NBEA: variants seen among roughly 807,000 people sequenced by gnomAD.
NBEA encodes the protein neurobeachin.
A neutral mutation model predicts 343.4 loss-of-function variants in NBEA; 44 were observed. That is an observed-to-expected ratio of 0.13 (90% CI 0.10 to 0.16). NBEA has a LOEUF of 0.16. NBEA is among the 10% of genes least tolerant of loss of function. The pLI is 1.00. For missense variants in NBEA, 2,555 were observed against 3,631.3 expected, an observed-to-expected ratio of 0.70 and a Z score of 7.62; for synonymous variants, 1,175 against 1,238.7, an observed-to-expected ratio of 0.95 and a Z score of 1.08.
Position 35,654,935 on chromosome 13 carries a change from G to C in NBEA, c.8116G>C (p.Val2706Leu), listed in dbSNP as rs1488866314. The C allele has an allele frequency of 1.3e-6, 2 of 1,588,980 alleles. No individual in the cohort carries two copies. The highest frequency in any genetic ancestry group is 2.7e-5 in the African/African-American group (2 of 73,280). The change falls in exon 54 of 59, where the codon GTA becomes CTA. Residue 2706 changes from valine to leucine, a missense_variant. Coordinates refer to ENST00000379939, the MANE Select transcript of NBEA (RefSeq NM_001385012.1). ...SIQINAHCFV[V>L]TADNRYILIC... ...ACAAATCAATGCACATTGTTTTGTG[G>C]TAACAGCAGATAATCGCTATATTCT...
At chr13:35,100,325 G>A (rs2065579564) in intron 11 of NBEA, among the ~76,000 whole-genome samples, 1 of 151,970 alleles carries the variant, frequency 6.6e-6, no homozygotes, top group Admixed American at 6.6e-5. Context: ...AGATTGTTAA[G>A]TAGATTGATC....
chr13:35,475,460 T>C (rs1463841456), intron 41 of NBEA: 1 of 1,612,160 alleles, frequency 6.2e-7, no homozygotes, highest in Non-Finnish European at 8.5e-7. Flanking sequence ...CAGGCGTCGC[T>C]CTCCGCCGAG....
intron 1 of NBEA, among the ~76,000 whole-genome samples, chr13:35,038,866 C>A (rs2062546144): frequency 6.6e-6 from 1 of 152,100 alleles, no homozygotes; most frequent in Non-Finnish European, 1.5e-5. Flanking sequence ...TTAGCTGCCC[C>A]AGCTGGTATC....
intron 13 of NBEA, among the ~76,000 whole-genome samples, chr13:35,114,268 TC>T (rs1157478916): frequency 6.6e-6 from 1 of 152,188 alleles, no homozygotes; most frequent in Non-Finnish European, 1.5e-5. Context: ...TACCTTCAAT[TC>T]CAGTCCAAAG....
chr13:35,075,930 T>A (rs2064094150), intron 10 of NBEA, among the ~76,000 whole-genome samples: 1 of 151,956 alleles, frequency 6.6e-6, no homozygotes, highest in African/African-American at 2.4e-5. Context: ...TGATTTTTAA[T>A]TCAGAAAAAA....
intron 17 of NBEA, among the ~76,000 whole-genome samples, chr13:35,137,407 G>C (rs1317377065): frequency 6.6e-6 from 1 of 150,684 alleles, no homozygotes; most frequent in Non-Finnish European, 1.5e-5. Flanking sequence ...CCAAGATCAC[G>C]CCACTGCACT....
At chr13:35,653,953 A>G (rs767705905) in intron 53 of NBEA, among the ~76,000 whole-genome samples, 8 of 152,136 alleles carry the variant, frequency 5.3e-5, no homozygotes, top group Non-Finnish European at 8.8e-5. Context: ...TGTGTATAAT[A>G]TTTTTATTGC....
chr13:35,412,277 A>G (rs1594535229), intron 38 of NBEA, among the ~76,000 whole-genome samples: 2 of 152,114 alleles, frequency 1.3e-5, no homozygotes, highest in East Asian at 3.9e-4. Flanking sequence ...CCAACAGGAC[A>G]CAAGACATGT....
intron 45 of NBEA, among the ~76,000 whole-genome samples, chr13:35,576,859 G>A (rs2080767671): frequency 6.6e-6 from 1 of 152,094 alleles, no homozygotes; most frequent in Admixed American, 6.6e-5. Context: ...TGACAATCTA[G>A]TTAATAAAAA....
At chr13:35,502,499 G>C (rs1301840363) in intron 41 of NBEA, among the ~76,000 whole-genome samples, 1 of 145,914 alleles carries the variant, frequency 6.9e-6, no homozygotes, top group Non-Finnish European at 1.5e-5. Context: ...TTTTCCCTGG[G>C]TTTTTTTTTT....
In NBEA at chr13:35,630,877, G is replaced by A. The variant is rs539637546; in HGVS notation, c.7617+2629G>A. Among the ~76,000 whole-genome samples, 5 of 152,234 alleles carry A rather than the reference G, an allele frequency of 3.3e-5. No individual in the cohort carries two copies. In the East Asian group the frequency reaches 9.7e-4, roughly 29 times the overall value. On this transcript the variant is annotated intron_variant, in intron 49 of 58. Coordinates refer to ENST00000379939, the MANE Select transcript of NBEA (RefSeq NM_001385012.1). ...CTTGTGACCACTAGGGGGCCATTTA[G>A]TACAGTGTAGACATAACAGATTAAA...
At chr13:35,406,611 G>T (rs767895222) in intron 38 of NBEA, among the ~76,000 whole-genome samples, 1 of 152,004 alleles carries the variant, frequency 6.6e-6, no homozygotes, top group African/African-American at 2.4e-5. Flanking sequence ...AATTCCATCC[G>T]GGTTTCAGTC....
chr13:35,146,425 GCTC>G (rs2068428167), intron 18 of NBEA, among the ~76,000 whole-genome samples: 1 of 152,130 alleles, frequency 6.6e-6, no homozygotes, highest in Non-Finnish European at 1.5e-5. Flanking sequence ...GTTACCCAAA[GCTC>G]CTTAGTTGTG....
intron 41 of NBEA, among the ~76,000 whole-genome samples, chr13:35,519,450 C>A (rs1414468892): frequency 6.6e-6 from 1 of 152,124 alleles, no homozygotes; most frequent in Non-Finnish European, 1.5e-5. Context: ...GTGACATACC[C>A]AAATGTTCAT....
intron 34 of NBEA, among the ~76,000 whole-genome samples, chr13:35,271,913 C>G (rs992066878): frequency 5.9e-5 from 9 of 152,158 alleles, no homozygotes; most frequent in African/African-American, 2.2e-4. Flanking sequence ...AAGAATGGAA[C>G]CAAGTTAGAA....
chr13:34,984,502 G>GGTCAGGCTGCAAATTTT (rs1309388094), intron 1 of NBEA, among the ~76,000 whole-genome samples: 31 of 138,836 alleles, frequency 2.2e-4, no homozygotes, highest in South Asian at 4.5e-4. Flanking sequence ...TGTTCTTTTT[G>GGTCAGGCTGCAAATTTT]CTTAGCATTG....
intron 1 of NBEA, among the ~76,000 whole-genome samples, chr13:35,004,407 A>G (rs527383159): frequency 3.9e-5 from 6 of 152,162 alleles, no homozygotes; most frequent in African/African-American, 1.4e-4. Context: ...ATGGTCTTCA[A>G]GTCTTTTGTA....
chr13:35,423,540 T>G (rs1380281642), intron 38 of NBEA, among the ~76,000 whole-genome samples: 2 of 152,188 alleles, frequency 1.3e-5, no homozygotes, highest in East Asian at 1.9e-4. Flanking sequence ...CCATGCTGTT[T>G]TGTTTACTGT....
intron 1 of NBEA, among the ~76,000 whole-genome samples, chr13:35,030,511 T>G (rs781208488): frequency 2.1e-4 from 32 of 151,640 alleles, no homozygotes; most frequent in Non-Finnish European, 2.2e-4. Context: ...TAACCTCACT[T>G]ATCTTCAGTT....
Sources: allele counts gnomAD v4.1 joint callset (sites outside exome capture counted in the v4.1 genomes callset), GRCh38; gene constraint gnomAD v4.1.1; transcripts MANE v1.5; gene names NCBI Gene and HGNC (gene_info 2026-07-23, HGNC 2026-07-21).